Variants in KLF8 observed in about 807,000 individuals in gnomAD.
KLF8 encodes KLF transcription factor 8, also known as Krueppel-like factor 8.
Under a neutral mutation model 18.2 loss-of-function variants are expected in KLF8, and 10 were observed. That is an observed-to-expected ratio of 0.55 (90% CI 0.34 to 0.93). The LOEUF (loss-of-function observed/expected upper bound fraction) is 0.93. KLF8 is among the 40% of genes least tolerant of loss of function. KLF8 has a pLI of 0.02. For missense variants in KLF8, 264 were observed against 277.9 expected, an observed-to-expected ratio of 0.95 and a Z score of 0.36; for synonymous variants, 109 against 97.3, an observed-to-expected ratio of 1.12 and a Z score of -0.71.
chrX:56,071,856 A>C, the KLF8 span, among the ~76,000 whole-genome samples: 144 of 111,918 alleles, frequency 1.3e-3, 1 homozygote, highest in Non-Finnish European at 2.3e-3. Context: ...ATAAAGCTGG[A>C]GATATCATTT....
chrX:56,052,558 G>T, the KLF8 span, among the ~76,000 whole-genome samples: 3 of 111,791 alleles, frequency 2.7e-5, no homozygotes, highest in African/African-American at 6.5e-5. Context: ...CTGCTGGGGG[G>T]TGCGTCCCAG....
the KLF8 span, among the ~76,000 whole-genome samples, chrX:56,148,109 C>G: frequency 8.9e-6 from 1 of 112,190 alleles, no homozygotes. Flanking sequence ...AATGTTTGGG[C>G]ATATGCTACA....
At chrX:56,053,114 C>G in the KLF8 span, among the ~76,000 whole-genome samples, 1 of 112,137 alleles carries the variant, frequency 8.9e-6, no homozygotes, top group African/African-American at 3.2e-5. Flanking sequence ...CAATGCCTCG[C>G]CCTGCTTCGG....
chrX:56,059,508 T>C, the KLF8 span, among the ~76,000 whole-genome samples: 1 of 112,272 alleles, frequency 8.9e-6, no homozygotes, highest in Non-Finnish European at 1.9e-5. Flanking sequence ...AAATCTTCAA[T>C]CTATCTTGAG....
the KLF8 span, among the ~76,000 whole-genome samples, chrX:55,968,373 A>T: frequency 8.9e-6 from 1 of 112,414 alleles, no homozygotes; most frequent in Non-Finnish European, 1.9e-5. Flanking sequence ...CTAGAAAGAC[A>T]CACGTAGACT....
rs996765359 is a variant in KLF8, at chrX:56,289,515, A to G, written c.*5021A>G. Among the ~76,000 whole-genome samples, 1 of 111,843 alleles carries G rather than the reference A, an allele frequency of 8.9e-6. No individual in the cohort carries two copies. The highest frequency in any genetic ancestry group is 1.9e-5 in the Non-Finnish European group (1 of 53,224). On this transcript the variant is annotated 3_prime_UTR_variant, in exon 6 of 6. Coordinates refer to ENST00000468660, the MANE Select transcript of KLF8 (RefSeq NM_007250.5). ...ACTATCCTATGTATATGCACATTCT[A>G]TAAATATTTCTATATGTAATCACCC...
the KLF8 span, among the ~76,000 whole-genome samples, chrX:55,919,142 G>A: frequency 1.8e-5 from 2 of 112,194 alleles, no homozygotes; most frequent in Admixed American, 1.9e-4. Context: ...GACTCAGGGT[G>A]TGGTCCATCC....
At chrX:55,931,925 T>A in the KLF8 span, among the ~76,000 whole-genome samples, 1 of 110,620 alleles carries the variant, frequency 9.0e-6, no homozygotes, top group African/African-American at 3.3e-5. Context: ...ATAGCCTTGG[T>A]AATTTTCTGT....
chrX:56,177,237 C>T, the KLF8 span, among the ~76,000 whole-genome samples: 2 of 111,263 alleles, frequency 1.8e-5, no homozygotes, highest in Non-Finnish European at 3.8e-5. Flanking sequence ...GTGGTTTTAT[C>T]TACCTTTGGT....
At chrX:56,265,992 A>T in intron 3 of KLF8, 1 of 902,501 alleles carries the variant, frequency 1.1e-6, no homozygotes, top group Non-Finnish European at 1.4e-6. Flanking sequence ...AACTTCCTGG[A>T]ACTTCCACAT....
the KLF8 span, among the ~76,000 whole-genome samples, chrX:55,921,252 G>T: frequency 3.6e-5 from 4 of 112,044 alleles, no homozygotes; most frequent in Non-Finnish European, 7.5e-5. Context: ...TTAATTTTCT[G>T]CATGTGGCTA....
the KLF8 span, among the ~76,000 whole-genome samples, chrX:56,142,272 G>A: frequency 3.2e-3 from 362 of 111,578 alleles, 1 homozygote; most frequent in Middle Eastern, 0.014. Flanking sequence ...TAAAATTTCA[G>A]TCCTCACCTT....
the KLF8 span, among the ~76,000 whole-genome samples, chrX:56,200,965 A>T: frequency 8.9e-6 from 1 of 111,843 alleles, no homozygotes; most frequent in Non-Finnish European, 1.9e-5. Flanking sequence ...AAAATAAAAG[A>T]TGACACATAT....
At position 56,284,657 on chromosome X, in the gene KLF8, G is replaced by C; in HGVS notation, c.*163G>C. 2.7e-6 allele frequency: 1 copy of C among 367,712 alleles called. No individual in the cohort carries two copies. The highest frequency in any genetic ancestry group is 4.5e-6 in the Non-Finnish European group (1 of 222,356). The allele number at this position is 367,712 out of a possible 1,213,427, so 30.3% of individuals were successfully genotyped here. On this transcript the variant is annotated 3_prime_UTR_variant, in exon 6 of 6. Coordinates refer to ENST00000468660, the MANE Select transcript of KLF8 (RefSeq NM_007250.5). ...AGGAAAAGAGAGCTGGTCTCCCGTG[G>C]GGCTCTTCATATTCTACCTTCACTT...
chrX:56,183,189 C>T, the KLF8 span, among the ~76,000 whole-genome samples: 22 of 112,032 alleles, frequency 2.0e-4, no homozygotes, highest in African/African-American at 7.1e-4. Context: ...CTAACCCAGT[C>T]TTGCTGCCAC....
At chrX:56,159,487 G>T in the KLF8 span, among the ~76,000 whole-genome samples, 1 of 112,581 alleles carries the variant, frequency 8.9e-6, no homozygotes, top group Non-Finnish European at 1.9e-5. Flanking sequence ...TGTACCTCTG[G>T]TAGAATTCGG....
the KLF8 span, among the ~76,000 whole-genome samples, chrX:56,189,359 A>G: frequency 9.0e-6 from 1 of 111,723 alleles, no homozygotes. Flanking sequence ...ATCATTAAAA[A>G]TCAGGAAACA....
At chrX:56,264,488 C>T (rs1326392644) in intron 2 of KLF8, among the ~76,000 whole-genome samples, 1 of 108,715 alleles carries the variant, frequency 9.2e-6, no homozygotes, top group African/African-American at 3.3e-5. Context: ...TCATTTAGAT[C>T]ATTTATTAGT....
At chrX:56,043,606 T>C in the KLF8 span, among the ~76,000 whole-genome samples, 2 of 112,193 alleles carry the variant, frequency 1.8e-5, no homozygotes, top group African/African-American at 6.5e-5. Context: ...CTTTTTCTAT[T>C]CTGTGATTGA....
Sources: gnomAD v4.1 joint callset for allele counts (sites outside exome capture counted in the v4.1 genomes callset) on GRCh38, gnomAD v4.1.1 for gene constraint, MANE v1.5 for transcripts, NCBI Gene and HGNC (gene_info 2026-07-23, HGNC 2026-07-21) for gene names.